Variants in PTPRK observed in about 807,000 individuals in gnomAD.
PTPRK encodes protein tyrosine phosphatase receptor type K, also known as receptor-type tyrosine-protein phosphatase kappa.
A neutral mutation model predicts 178.0 loss-of-function variants in PTPRK; 75 were observed. That is an observed-to-expected ratio of 0.42 (90% CI 0.35 to 0.51). The LOEUF (loss-of-function observed/expected upper bound fraction) is 0.51, where lower values mean the gene tolerates loss of function less well. PTPRK is among the 20% of genes least tolerant of loss of function. The probability of loss-of-function intolerance (pLI) is 0.02; values close to 1 mark genes in which losing one functional copy is unlikely to be tolerated. For synonymous variants in PTPRK, 637 were observed against 620.6 expected, an observed-to-expected ratio of 1.03 and a Z score of -0.39; for missense variants, 1,441 against 1,797.8, an observed-to-expected ratio of 0.80 and a Z score of 3.59.
chr6:128,457,507 T>C (rs934247591), intron 1 of PTPRK, among the ~76,000 whole-genome samples: 1 of 152,164 alleles, frequency 6.6e-6, no homozygotes, highest in African/African-American at 2.4e-5. Context: ...TGAAGAATAC[T>C]GGACTTGGCT....
chr6:128,284,307 C>T (rs1052308460), intron 3 of PTPRK, among the ~76,000 whole-genome samples: 6 of 152,212 alleles, frequency 3.9e-5, no homozygotes, highest in African/African-American at 1.4e-4. Context: ...ATCTTTTCCA[C>T]ATTATGTAGA....
intron 2 of PTPRK, among the ~76,000 whole-genome samples, chr6:128,380,509 G>A (rs925476513): frequency 1.4e-5 from 2 of 147,240 alleles, no homozygotes; most frequent in African/African-American, 5.0e-5. Flanking sequence ...TACATTCTTG[G>A]AAAATCACAC....
In PTPRK at chr6:127,982,777, C is replaced by T. The variant is rs146108419; in HGVS notation, c.3537+54G>A. 2.6e-4 allele frequency: 393 copies of T among 1,490,458 alleles called. 1 individual carries two copies. The African/African-American group carries it at 4.7e-3, about 18-fold the overall frequency. The allele number at this position is 1,490,458 out of a possible 1,614,324, so 92.3% of individuals were successfully genotyped here. On this transcript the variant is annotated intron_variant, in intron 24 of 29. Coordinates refer to ENST00000368226, the MANE Select transcript of PTPRK (RefSeq NM_002844.4). ...AGACCTTCCTTGAAAGGATTCCTAG[C>T]GCCCAGAACAAATTGTAGTAAGTCA...
At chr6:128,080,663 A>G (rs2114993357) in intron 10 of PTPRK, among the ~76,000 whole-genome samples, 2 of 152,190 alleles carry the variant, frequency 1.3e-5, no homozygotes, top group South Asian at 4.1e-4. Context: ...CCCAACAGTT[A>G]TGCCTGCAAT....
At chr6:128,133,027 C>T (rs1447819732) in intron 7 of PTPRK, among the ~76,000 whole-genome samples, 1 of 152,154 alleles carries the variant, frequency 6.6e-6, no homozygotes. Flanking sequence ...CTAACAAAAA[C>T]TCATTAGTCA....
chr6:128,312,422 G>A (rs1283729653), intron 3 of PTPRK, among the ~76,000 whole-genome samples: 1 of 152,164 alleles, frequency 6.6e-6, no homozygotes, highest in African/African-American at 2.4e-5. Context: ...GTAGAAGTGA[G>A]AAACAGGAAG....
intron 7 of PTPRK, among the ~76,000 whole-genome samples, chr6:128,090,484 A>T (rs984791506): frequency 6.6e-6 from 1 of 152,228 alleles, no homozygotes; most frequent in African/African-American, 2.4e-5. Context: ...ATTAATTAAC[A>T]TTAATTATTT....
At chr6:128,308,456 G>A (rs1280283908) in intron 3 of PTPRK, among the ~76,000 whole-genome samples, 1 of 151,490 alleles carries the variant, frequency 6.6e-6, no homozygotes, top group Non-Finnish European at 1.5e-5. Flanking sequence ...TACACGAACT[G>A]CTTGCATTTA....
chr6:128,377,027 C>A (rs76980080), intron 2 of PTPRK, among the ~76,000 whole-genome samples: 2 of 152,152 alleles, frequency 1.3e-5, no homozygotes, highest in East Asian at 3.9e-4. Context: ...CCACACTTTC[C>A]CATATTTTCC....
chr6:128,241,817 G>A (rs1328190622), intron 4 of PTPRK, among the ~76,000 whole-genome samples: 1 of 141,266 alleles, frequency 7.1e-6, no homozygotes, highest in African/African-American at 2.7e-5. Flanking sequence ...GTCTTGCTGT[G>A]GTTGCCCAGG....
At position 127,993,068 on chromosome 6, in the gene PTPRK, A is replaced by G. The variant is rs115204130; in HGVS notation, c.2845-359T>C. 9.3e-3 allele frequency among the ~76,000 whole-genome samples: 1,405 copies of G among 151,808 alleles called. 23 individuals are homozygous for G. The highest frequency in any genetic ancestry group is 0.032 in the African/African-American group (1,323 of 41,538). The stretch of plus-strand genomic sequence containing the variant: ...GTTTAAAAATATTAATTCTCATTTT[A>G]TCATCCAAAAGTACAACACACTGCA... On this transcript the variant is annotated intron_variant, in intron 18 of 29. Transcript: ENST00000368226.
chr6:128,208,546 A>G (rs1403679490), intron 6 of PTPRK, among the ~76,000 whole-genome samples: 5 of 152,158 alleles, frequency 3.3e-5, no homozygotes, highest in Admixed American at 2.0e-4. Flanking sequence ...TCCACATGAT[A>G]TATCTTACAT....
At chr6:128,448,072 A>G (rs553765543) in intron 1 of PTPRK, among the ~76,000 whole-genome samples, 49 of 152,306 alleles carry the variant, frequency 3.2e-4, no homozygotes, top group African/African-American at 1.0e-3. Flanking sequence ...TCTTGTTCAC[A>G]TGGCCAGCCA....
rs1778713721 is a variant in PTPRK, at chr6:128,008,732, CA to C, written c.2333+397del. ...ATTCTTCTCATATCTTATTTGTAGC[CA>C]AGAAGTAGAAAAATACAGAAAAAGA... On this transcript the variant is annotated intron_variant, in intron 14 of 29. Coordinates refer to ENST00000368226, the MANE Select transcript of PTPRK (RefSeq NM_002844.4). Among the ~76,000 whole-genome samples, 3 of 150,796 alleles carry C rather than the reference CA, an allele frequency of 2.0e-5. No individual in the cohort carries two copies. The South Asian group carries it at 6.2e-4, about 31-fold the overall frequency.
At chr6:128,125,602 C>CTTTTTTTTTTTTT (rs869038931) in intron 7 of PTPRK, among the ~76,000 whole-genome samples, 4 of 68,334 alleles carry the variant, frequency 5.9e-5, no homozygotes, top group Non-Finnish European at 9.1e-5. Flanking sequence ...TTGGGCTTTT[C>CTTTTTTTTTTTTT]TTTTTTTTTT....
In PTPRK at chr6:128,414,497, T is replaced by A. The variant is rs1842632637; in HGVS notation, c.101-16809A>T. Reference sequence around the variant, plus strand: ...TGAAATAACCTCAGAGTGAAAAAAATTTAAAGAGAGCAGCTATTGTATATC... The same window carrying A: ...TGAAATAACCTCAGAGTGAAAAAAAATTAAAGAGAGCAGCTATTGTATATC... On this transcript the variant is annotated intron_variant, in intron 1 of 29. Coordinates refer to ENST00000368226, the MANE Select transcript of PTPRK (RefSeq NM_002844.4). 2.0e-5 allele frequency among the ~76,000 whole-genome samples: 3 copies of A among 152,128 alleles called. No homozygotes were observed. In the South Asian group the frequency reaches 6.2e-4, roughly 31 times the overall value.
At chr6:128,247,674 C>T (rs1321913058) in intron 3 of PTPRK, among the ~76,000 whole-genome samples, 2 of 152,140 alleles carry the variant, frequency 1.3e-5, no homozygotes, top group Non-Finnish European at 2.9e-5. Context: ...ACTTCAATTT[C>T]TTCTTCTATA....
At chr6:128,311,110 G>A (rs761982186) in intron 3 of PTPRK, among the ~76,000 whole-genome samples, 3 of 152,090 alleles carry the variant, frequency 2.0e-5, no homozygotes, top group Non-Finnish European at 2.9e-5. Context: ...GAGTTTGTAA[G>A]CCAAAAACCT....
At chr6:128,002,711 A>T (rs1777976914) in intron 15 of PTPRK, among the ~76,000 whole-genome samples, 1 of 151,936 alleles carries the variant, frequency 6.6e-6, no homozygotes, top group Admixed American at 6.6e-5. Flanking sequence ...TAGCAACTTT[A>T]CCTACATTAA....
Sources: gnomAD v4.1 joint callset for allele counts (sites outside exome capture counted in the v4.1 genomes callset) on GRCh38, gnomAD v4.1.1 for gene constraint, MANE v1.5 for transcripts, NCBI Gene and HGNC (gene_info 2026-07-23, HGNC 2026-07-21) for gene names.